Variants in SZT2 observed in about 807,000 individuals in gnomAD.
The protein encoded by SZT2 is KICSTOR complex protein SZT2.
SZT2 carries 216 observed loss-of-function variants against 404.2 expected under a neutral mutation model. The observed-to-expected ratio is 0.53, with a 90% confidence interval of 0.48 to 0.60. The LOEUF is 0.60. Ranked by LOEUF, SZT2 falls within the 20% of genes least tolerant of loss-of-function variation. The pLI is 0.00. For missense variants in SZT2, 3,857 were observed against 4,459.2 expected (o/e 0.86, Z 3.85); for synonymous variants, 1,693 against 1,749.9 (o/e 0.97, Z 0.81).
At chr1:43,398,283 G>A (rs1332673195) in intron 1 of SZT2, among the ~76,000 whole-genome samples, 1 of 152,166 alleles carries the variant, frequency 6.6e-6, no homozygotes, top group African/African-American at 2.4e-5. Context: ...AGAGGTGGTG[G>A]TGGGGAGAAA....
In SZT2 at chr1:43,440,516, C is replaced by T. The variant is rs1557589083; in HGVS notation, c.7274C>T (p.Pro2425Leu). 2 of 1,608,902 alleles carry T rather than the reference C, an allele frequency of 1.2e-6. No individual in the cohort carries two copies. Among genetic ancestry groups the T allele is most frequent in the Middle Eastern group, 1.6e-4 (1 of 6,062 alleles). Reference protein sequence around the residue: ...SSAGRASTFPPAPVPGEPVTP... With the variant: ...SSAGRASTFPLAPVPGEPVTP... The stretch of plus-strand genomic sequence containing the variant: ...GCAGGCCGAGCTAGCACCTTTCCCC[C>T]TGCCCCTGTCCCTGGGGAGCCTGTG... Residue 2425 changes from proline to leucine, a missense_variant, in exon 52 of 72, where the codon CCT (proline) becomes CTT (leucine). Transcript: ENST00000634258.
In SZT2 at chr1:43,426,642, C is replaced by G; in HGVS notation, c.3215-73C>G. The G allele has an allele frequency of 6.6e-7, 1 of 1,517,560 alleles. No individual in the cohort carries two copies. Among genetic ancestry groups the G allele is most frequent in the South Asian group, 1.2e-5 (1 of 82,154 alleles). The allele number at this position is 1,517,560 out of a possible 1,614,324, so 94.0% of individuals were successfully genotyped here. On this transcript the variant is annotated intron_variant, in intron 22 of 71. Coordinates refer to ENST00000634258, the MANE Select transcript of SZT2 (RefSeq NM_001365999.1). This position sits in a 1 kb window ranked among gnomAD's most constrained non-coding sequence, Gnocchi z 4.9. Reference sequence around the variant, plus strand: ...TGAGTTTTGGCTTTCCCCTTCCTCCCCCTTTCTTCAACCCAGAGTCCCGCC... The same window carrying G: ...TGAGTTTTGGCTTTCCCCTTCCTCCGCCTTTCTTCAACCCAGAGTCCCGCC...
chr1:43,446,813 G>A lies in SZT2; in HGVS notation c.9073-142G>A, dbSNP rs969444704. Reference sequence around the variant, plus strand: ...GCTAGAATGGGGAGGCCTTCCCACAGAAACCATTCTGGCAGAGGGCGTTCC... The same window carrying A: ...GCTAGAATGGGGAGGCCTTCCCACAAAAACCATTCTGGCAGAGGGCGTTCC... On this transcript the variant is annotated intron_variant, in intron 65 of 71. Transcript: ENST00000634258. The A allele has an allele frequency of 2.3e-6, 2 of 856,438 alleles. 1 individual carries two copies. The highest frequency in any genetic ancestry group is 4.7e-5 in the Admixed American group (2 of 42,106). 53.1% of individuals were successfully genotyped at this position (856,438 alleles called of 1,614,324 possible). A position where few individuals can be genotyped will look rare whatever the true frequency, so the allele number is the denominator to read the frequency against.
At chr1:43,418,010 G>A (rs1188776946) in intron 7 of SZT2, among the ~76,000 whole-genome samples, 4 of 152,214 alleles carry the variant, frequency 2.6e-5, no homozygotes, top group Non-Finnish European at 5.9e-5. Context: ...ACTGTGAGAA[G>A]TAGCAAAAAG....
At chr1:43,438,850 C>G in intron 47 of SZT2, 33 bp downstream of exon 47, 5 of 1,611,356 alleles carry the variant, frequency 3.1e-6, no homozygotes, top group Non-Finnish European at 4.2e-6. Flanking sequence ...GCATCCTTCC[C>G]AGACTCAGCC....
In SZT2 at chr1:43,442,041, A is replaced by T; in HGVS notation, c.7784A>T (p.Gln2595Leu). ...PEIFGPCSPG[Q>L]LGPSPRPAAE... ...ATCTTCGGCCCTTGTTCCCCTGGGC[A>T]ACTGGGCCCCTCTCCCCGCCCTGCA... The change falls in exon 56 of 72, where the codon CAA becomes CTA. Residue 2595 changes from glutamine to leucine, a missense_variant. Transcript: ENST00000634258. The surrounding 1 kb of genome is among the most constrained non-coding windows in gnomAD (Gnocchi z 4.5). 3 of 1,614,100 alleles carry T rather than the reference A, an allele frequency of 1.9e-6. No homozygotes were observed. The highest frequency in any genetic ancestry group is 2.5e-6 in the Non-Finnish European group (3 of 1,180,016).
Position 43,453,462 on chromosome 1 carries a change from C to G in SZT2, c.*2982C>G. 1 of 1,562,348 alleles carries G rather than the reference C, an allele frequency of 6.4e-7. No homozygotes were observed. The highest frequency in any genetic ancestry group is 8.7e-7 in the Non-Finnish European group (1 of 1,152,336). On this transcript the variant is annotated 3_prime_UTR_variant, in exon 72 of 72. Transcript: ENST00000634258. ...CGGAAGGCCGCCTGTCTCCCGGGGA[C>G]GGCCCCCAGCCCCATTTCCCCCTTC...
In SZT2 at chr1:43,430,801, G is replaced by T. The variant is rs1377836341; in HGVS notation, c.4774+12G>T. On this transcript the variant is annotated intron_variant, in intron 32 of 71. Coordinates refer to ENST00000634258, the MANE Select transcript of SZT2 (RefSeq NM_001365999.1). ...GCCTACCTGCCTGGGTGAGTTTGAG[G>T]CAGCCCGAGGGAAAGCCAAAGGTCC... The T allele has an allele frequency of 6.2e-6, 10 of 1,601,900 alleles. No individual in the cohort carries two copies. The highest frequency in any genetic ancestry group is 8.5e-6 in the Non-Finnish European group (10 of 1,174,078).
Position 43,451,647 on chromosome 1 carries a change from C to T in SZT2, c.*1167C>T, listed in dbSNP as rs1354958852. 1.9e-6 allele frequency: 3 copies of T among 1,613,986 alleles called. No individual in the cohort carries two copies. The highest frequency in any genetic ancestry group is 2.5e-6 in the Non-Finnish European group (3 of 1,180,010). On this transcript the variant is annotated 3_prime_UTR_variant, in exon 72 of 72. Coordinates refer to ENST00000634258, the MANE Select transcript of SZT2 (RefSeq NM_001365999.1). ...GGGAGGGCAAAGGAAGGTCCTCTCA[C>T]CAACAATGGGCAGGAACTCCCGGAT...
rs756071296 is a variant in SZT2 at position 43,427,368 on chromosome 1, G to A, written c.3521G>A (p.Ser1174Asn). Residue 1174 changes from serine (S) to asparagine (N), a missense_variant, in exon 25 of 72, where the codon AGT (serine) becomes AAT (asparagine). Physicochemically the swap from Ser to Asn is conservative, Grantham distance 46 (BLOSUM62 1). This residue lies in a region of SZT2 where 1,725 missense variants were observed against 1,881.0 expected (regional missense o/e 0.92). Transcript: ENST00000634258. ...PKFGDWSGAP[S>N]LKDLGGTGIK... is the part of the protein sequence containing the mutation. Reference sequence around the variant, plus strand: ...TTTGGGGATTGGAGTGGGGCTCCCAGTCTGAAAGATCTAGGAGGAACTGGG... The same window carrying A: ...TTTGGGGATTGGAGTGGGGCTCCCAATCTGAAAGATCTAGGAGGAACTGGG... 3.1e-6 allele frequency: 5 copies of A among 1,613,968 alleles called. No individual in the cohort carries two copies. The African/African-American group carries it at 6.7e-5, about 22-fold the overall frequency.
chr1:43,394,206 CTTT>C (rs3884380), intron 1 of SZT2: 476 of 156,740 alleles, frequency 3.0e-3, no homozygotes, highest in Non-Finnish European at 5.1e-3. Flanking sequence ...CCCATCAACT[CTTT>C]TTTTTTTTTT....
chr1:43,423,782 A>G (rs1652774929), intron 15 of SZT2, among the ~76,000 whole-genome samples: 2 of 145,252 alleles, frequency 1.4e-5, no homozygotes, highest in Admixed American at 1.4e-4. Context: ...AGAGGTGTGG[A>G]AGGGTGTGAC....
At chr1:43,411,300 G>A (rs1651013737) in intron 4 of SZT2, among the ~76,000 whole-genome samples, 1 of 152,242 alleles carries the variant, frequency 6.6e-6, no homozygotes, top group Admixed American at 6.5e-5. Flanking sequence ...TTGGGCACCT[G>A]TGGCATTGCC....
chr1:43,437,937 A>C lies in SZT2; in HGVS notation c.6508+35A>C, dbSNP rs774506037. 1 of 1,602,482 alleles carries C rather than the reference A, an allele frequency of 6.2e-7. No individual in the cohort carries two copies. The highest frequency in any genetic ancestry group is 1.7e-5 in the Admixed American group (1 of 59,984). On this transcript the variant is annotated intron_variant, in intron 46 of 71. Transcript: ENST00000634258. The surrounding 1 kb of genome is among the most constrained non-coding windows in gnomAD (Gnocchi z 5.3). ...GAGGAGGGGGTAGGGGAGTCGCCAC[A>C]TGAGGTTCCAGAATCCTCTGGGACT...
At chr1:43,393,316 A>G (rs558320707) in intron 1 of SZT2, among the ~76,000 whole-genome samples, 1 of 152,344 alleles carries the variant, frequency 6.6e-6, no homozygotes, top group African/African-American at 2.4e-5. Flanking sequence ...CTGAATGCTT[A>G]CTGAGTATCA....
Position 43,451,932 on chromosome 1 carries a change from T to C in SZT2, c.*1452T>C. 6.2e-7 allele frequency: 1 copy of C among 1,612,730 alleles called. No homozygotes were observed. Among genetic ancestry groups the C allele is most frequent in the Non-Finnish European group, 8.5e-7 (1 of 1,178,974 alleles). ...AGAAGGAGAGACAGGGCTGGGGTCG[T>C]ACCCTGCTGGGGCGTGTCCAGGAAG... is the stretch of plus-strand genomic sequence containing the variant. On this transcript the variant is annotated 3_prime_UTR_variant, in exon 72 of 72. Transcript: ENST00000634258.
intron 4 of SZT2, among the ~76,000 whole-genome samples, chr1:43,414,482 C>T (rs1651462644): frequency 6.6e-6 from 1 of 151,956 alleles, no homozygotes; most frequent in South Asian, 2.1e-4. Flanking sequence ...AGTGCAGTGG[C>T]GTGATCTCTG....
chr1:43,427,137 C>T lies in SZT2; in HGVS notation c.3391C>T (p.Pro1131Ser), dbSNP rs750425067. The part of the protein sequence containing the change: ...QWRCYARLVN[P>S]QHVFLTFLPA... ...GCGCTGCTATGCAAGGCTTGTGAACCCCCAGCATGTGTTTCTGACTTTTCT... is the reference window on the plus strand; with the variant it reads ...GCGCTGCTATGCAAGGCTTGTGAACTCCCAGCATGTGTTTCTGACTTTTCT... Residue 1131 changes from proline (P) to serine (S), a missense_variant, in exon 24 of 72, where the codon CCC (proline) becomes TCC (serine). By Grantham distance (74) the Pro-to-Ser change is moderately conservative. Around this residue, in one of 7 missense-constraint regions of SZT2, gnomAD observed 1,725 missense variants for 1,881.0 expected, o/e 0.92. Coordinates refer to ENST00000634258, the MANE Select transcript of SZT2 (RefSeq NM_001365999.1). The T allele has an allele frequency of 1.2e-6, 2 of 1,614,188 alleles. No homozygotes were observed. The highest frequency in any genetic ancestry group is 1.7e-5 in the Admixed American group (1 of 60,016).
chr1:43,425,280 T>A lies in SZT2; in HGVS notation c.2645+73T>A. ...CCCCACCATCCCCTAGAGGTCTGGC[T>A]CCCATATCCTGAGATGATCTTGATC... On this transcript the variant is annotated intron_variant, in intron 18 of 71. Transcript: ENST00000634258. The surrounding 1 kb of genome is among the most constrained non-coding windows in gnomAD (Gnocchi z 4.3). 6.3e-7 allele frequency: 1 copy of A among 1,574,854 alleles called. No individual in the cohort carries two copies. Among genetic ancestry groups the A allele is most frequent in the Non-Finnish European group, 8.7e-7 (1 of 1,150,656 alleles).
Sources: allele counts gnomAD v4.1 joint callset (sites outside exome capture counted in the v4.1 genomes callset), GRCh38; gene constraint gnomAD v4.1.1; regional missense constraint gnomAD v4.1.1; non-coding constraint Gnocchi (gnomAD v3.1); transcripts MANE v1.5; gene names NCBI Gene and HGNC (gene_info 2026-07-23, HGNC 2026-07-21).